Variants in HCFC2 observed in about 807,000 individuals in gnomAD.
HCFC2 encodes the protein host cell factor 2.
A neutral mutation model predicts 89.2 loss-of-function variants in HCFC2; 18 were observed. The observed-to-expected ratio is 0.20, with a 90% confidence interval of 0.14 to 0.30. HCFC2 has a LOEUF of 0.30. HCFC2 is among the 10% of genes least tolerant of loss of function. The pLI is 1.00. For missense variants in HCFC2, 578 were observed against 956.1 expected (o/e 0.60, Z 5.21); for synonymous variants, 308 against 335.7 (o/e 0.92, Z 0.90).
rs757533623 is a variant in HCFC2, at chr12:104,105,796, A to T, written c.*2523A>T. ...TTCTTATGATTTGCACATTTTCTAA[A>T]TGAAGATCCCTTTGTGTAGCAGTAG... is the stretch of plus-strand genomic sequence containing the variant. On this transcript the variant is annotated 3_prime_UTR_variant, in exon 15 of 15. Transcript: ENST00000229330. 1 of 152,086 alleles carries T rather than the reference A, an allele frequency of 6.6e-6. No individual in the cohort carries two copies. The allele number at this position is 152,086 out of a possible 1,614,324, so 9.4% of individuals were successfully genotyped here. A position where few individuals can be genotyped will look rare whatever the true frequency, so the allele number is the denominator to read the frequency against.
intron 3 of HCFC2, among the ~76,000 whole-genome samples, chr12:104,076,015 A>G (rs1195444085): frequency 6.6e-6 from 1 of 152,230 alleles, no homozygotes; most frequent in Non-Finnish European, 1.5e-5. Context: ...TATTGTGGTC[A>G]GGAAATGTGG....
Position 104,101,999 on chromosome 12 carries a change from T to G in HCFC2, c.1910T>G (p.Leu637Trp). The change falls in exon 14 of 15, where the codon TTG becomes TGG. Residue 637 changes from leucine (L) to tryptophan (W), a missense_variant. Physicochemically the swap from Leu to Trp is moderately conservative, Grantham distance 61 (BLOSUM62 -2). Around this residue, in one of 4 missense-constraint regions of HCFC2, gnomAD observed 140 missense variants for 266.4 expected, o/e 0.53. Coordinates refer to ENST00000229330, the MANE Select transcript of HCFC2 (RefSeq NM_013320.3). The stretch of plus-strand genomic sequence containing the variant: ...AATGCAGATGTACCTGACTACAGCT[T>G]GCTTAAGAAACAAGATCTTGTTCCA... ...VGNADVPDYS[L>W]LKKQDLVPGT... 6.2e-7 allele frequency: 1 copy of G among 1,611,246 alleles called. No homozygotes were observed. The highest frequency in any genetic ancestry group is 8.5e-7 in the Non-Finnish European group (1 of 1,178,278).
intron 10 of HCFC2, among the ~76,000 whole-genome samples, chr12:104,094,129 A>G (rs1384780533): frequency 1.3e-5 from 2 of 152,208 alleles, no homozygotes; most frequent in East Asian, 1.9e-4. Flanking sequence ...TTTGGAAAAG[A>G]TAGGTTCAAC....
chr12:104,070,677 G>A (rs1414045533), intron 3 of HCFC2, among the ~76,000 whole-genome samples: 1 of 151,900 alleles, frequency 6.6e-6, no homozygotes, highest in Admixed American at 6.6e-5. Flanking sequence ...TAGATTGATG[G>A]TAGGATCTTA....
At chr12:104,097,850 C>T (rs1884220847) in intron 12 of HCFC2, among the ~76,000 whole-genome samples, 1 of 152,106 alleles carries the variant, frequency 6.6e-6, no homozygotes, top group Non-Finnish European at 1.5e-5. Context: ...TAGTTTTGAA[C>T]ATTTTTTCTC....
At chr12:104,070,070 T>C (rs1205846414) in intron 3 of HCFC2, among the ~76,000 whole-genome samples, 1 of 152,110 alleles carries the variant, frequency 6.6e-6, no homozygotes, top group Non-Finnish European at 1.5e-5. Context: ...TCTCCCAGGC[T>C]GAAGTGCAGT....
chr12:104,081,964 C>T (rs1449947857), intron 5 of HCFC2, among the ~76,000 whole-genome samples: 1 of 149,126 alleles, frequency 6.7e-6, no homozygotes, highest in African/African-American at 2.5e-5. Context: ...ATCTGGTTGA[C>T]ATCAGGTCAA....
At chr12:104,096,332 C>T (rs769850779) in intron 11 of HCFC2, 28 bp from the exon 12 acceptor site, 28 of 1,493,062 alleles carry the variant, frequency 1.9e-5, no homozygotes, top group Admixed American at 6.8e-5. Flanking sequence ...TTATGTAAAT[C>T]TTATCTGATA....
rs564279512 is a variant in HCFC2 at position 104,102,173 on chromosome 12, C to G, written c.2064+20C>G. 153 of 1,592,666 alleles carry G rather than the reference C, an allele frequency of 9.6e-5. 2 individuals are homozygous for G. The South Asian group carries it at 1.6e-3, about 16-fold the overall frequency. On this transcript the variant is annotated intron_variant, in intron 14 of 14. Transcript: ENST00000229330. ...TCAAAGGTGAGACATCGGGTCAAGA[C>G]TTGTTGGTGATTTTAAATTATTTGA...
intron 7 of HCFC2, among the ~76,000 whole-genome samples, chr12:104,085,808 G>T (rs957017040): frequency 3.3e-5 from 5 of 150,806 alleles, no homozygotes; most frequent in Non-Finnish European, 5.9e-5. Context: ...TTCTTTGCTC[G>T]CACCTTTCCT....
In HCFC2 at chr12:104,095,753, A is replaced by C. The variant is rs1286050326; in HGVS notation, c.1666+190A>C. 1.3e-5 allele frequency among the ~76,000 whole-genome samples: 2 copies of C among 152,064 alleles called. No homozygotes were observed. Among genetic ancestry groups the C allele is most frequent in the Non-Finnish European group, 2.9e-5 (2 of 67,972 alleles). On this transcript the variant is annotated intron_variant, in intron 11 of 14. Coordinates refer to ENST00000229330, the MANE Select transcript of HCFC2 (RefSeq NM_013320.3). The surrounding 1 kb of genome is among the most constrained non-coding windows in gnomAD (Gnocchi z 4.2). Reference sequence around the variant, plus strand: ...TTTAGAATCTTTAAGAATTCTTTTTAGTTTTTGTTTTCTTTCTATCATGAC... The same window carrying C: ...TTTAGAATCTTTAAGAATTCTTTTTCGTTTTTGTTTTCTTTCTATCATGAC...
chr12:104,077,588 T>C (rs1263408609), intron 3 of HCFC2, among the ~76,000 whole-genome samples: 1 of 151,490 alleles, frequency 6.6e-6, no homozygotes, highest in Non-Finnish European at 1.5e-5. Context: ...ATTAACTGCT[T>C]TCTATATACT....
At chr12:104,084,800 T>C (rs749736851) in intron 7 of HCFC2, among the ~76,000 whole-genome samples, 41 of 152,156 alleles carry the variant, frequency 2.7e-4, no homozygotes, top group Admixed American at 1.5e-3. Context: ...ACTGGATAAA[T>C]TCAGGATATA....
chr12:104,095,636 G>A lies in HCFC2; in HGVS notation c.1666+73G>A. 8.6e-7 allele frequency: 1 copy of A among 1,161,462 alleles called. No individual in the cohort carries two copies. Among genetic ancestry groups the A allele is most frequent in the South Asian group, 1.5e-5 (1 of 66,364 alleles). The allele number at this position is 1,161,462 out of a possible 1,614,324, so 71.9% of individuals were successfully genotyped here. A position where few individuals can be genotyped will look rare whatever the true frequency, so the allele number is the denominator to read the frequency against. On this transcript the variant is annotated intron_variant, in intron 11 of 14. Coordinates refer to ENST00000229330, the MANE Select transcript of HCFC2 (RefSeq NM_013320.3). This position sits in a 1 kb window ranked among gnomAD's most constrained non-coding sequence, Gnocchi z 4.2. ...AAATTCATCAAACTTACTTGTCTTAGATGGGAGTTGCATTTCATCTTGGAA... is the reference window on the plus strand; with the variant it reads ...AAATTCATCAAACTTACTTGTCTTAAATGGGAGTTGCATTTCATCTTGGAA...
chr12:104,101,377 C>T (rs1157497049), intron 13 of HCFC2, among the ~76,000 whole-genome samples: 4 of 151,366 alleles, frequency 2.6e-5, no homozygotes, highest in Non-Finnish European at 4.4e-5. Context: ...CTCAGCTACT[C>T]GGGAGGCTGA....
chr12:104,080,563 G>A (rs945036646), intron 4 of HCFC2, 183 bp from the exon 5 acceptor site: 2 of 429,038 alleles, frequency 4.7e-6, no homozygotes, highest in Admixed American at 4.2e-5. Context: ...AACATTAAGT[G>A]TAAATAAATT....
At chr12:104,087,453 GTATATATATATACA>G (rs1566232383) in intron 8 of HCFC2, among the ~76,000 whole-genome samples, 1 of 60,714 alleles carries the variant, frequency 1.6e-5, no homozygotes, top group Non-Finnish European at 3.0e-5. Context: ...ATGTGTGTGT[GTATATATATATACA>G]TATATATATA....
rs754765134 is a variant in HCFC2 at position 104,098,462 on chromosome 12, G to A, written c.1860G>A (p.Gly620=). 8.1e-6 allele frequency: 13 copies of A among 1,603,630 alleles called. No individual in the cohort carries two copies. Among genetic ancestry groups the A allele is most frequent in the South Asian group, 6.8e-5 (6 of 88,886 alleles). Residue 620 remains glycine, a synonymous_variant, in exon 13 of 15, where the codon GGG becomes GGA. Transcript: ENST00000229330. ...LVSQFYLLPK[G]KQSISKVGNA... ...GCCAGTTTTATTTGCTGCCAAAAGG[G>A]AAGCAAAGCATCTCAAAGGTAGCTA...
chr12:104,081,831 G>A (rs1883694635), intron 5 of HCFC2, among the ~76,000 whole-genome samples: 1 of 150,902 alleles, frequency 6.6e-6, no homozygotes. Context: ...CCTGAGCCCA[G>A]GAGGTTGAGT....
Sources: allele counts gnomAD v4.1 joint callset (sites outside exome capture counted in the v4.1 genomes callset), GRCh38; gene constraint gnomAD v4.1.1; regional missense constraint gnomAD v4.1.1; non-coding constraint Gnocchi (gnomAD v3.1); transcripts MANE v1.5; gene names NCBI Gene and HGNC (gene_info 2026-07-23, HGNC 2026-07-21).